Variants in RIMS2 observed in about 807,000 individuals in gnomAD.
The protein encoded by RIMS2 is regulating synaptic membrane exocytosis protein 2.
RIMS2 carries 59 observed loss-of-function variants against 174.4 expected under a neutral mutation model. The observed-to-expected ratio is 0.34, with a 90% CI of 0.27 to 0.42. RIMS2 has a LOEUF of 0.42. Among genes scored for constraint, RIMS2 ranks in the 10% least tolerant of loss-of-function variants. RIMS2 has a pLI of 1.00. For missense variants in RIMS2, 1,620 were observed against 1,666.3 expected, an observed-to-expected ratio of 0.97 and a Z score of 0.48; for synonymous variants, 606 against 572.5, an observed-to-expected ratio of 1.06 and a Z score of -0.84.
intron 1 of RIMS2, among the ~76,000 whole-genome samples, chr8:103,606,348 G>T (rs1403971329): frequency 1.3e-5 from 2 of 150,394 alleles, no homozygotes; most frequent in Non-Finnish European, 3.0e-5. Context: ...TAGTTTGATT[G>T]CACTGTGGTC....
intron 1 of RIMS2, among the ~76,000 whole-genome samples, chr8:103,544,804 A>T (rs1285801208): frequency 6.6e-6 from 1 of 152,220 alleles, no homozygotes; most frequent in Non-Finnish European, 1.5e-5. Flanking sequence ...CCACGAACAG[A>T]CTAGAATCAA....
chr8:103,680,476 A>T (rs913549374), intron 1 of RIMS2, among the ~76,000 whole-genome samples: 5 of 152,018 alleles, frequency 3.3e-5, no homozygotes, highest in Admixed American at 2.0e-4. Context: ...GGTAGGTAAG[A>T]TTGTTCTGTT....
At chr8:103,936,911 T>C (rs892040940) in intron 13 of RIMS2, among the ~76,000 whole-genome samples, 189 bp downstream of exon 15, 5 of 151,980 alleles carry the variant, frequency 3.3e-5, no homozygotes, top group African/African-American at 7.2e-5. Flanking sequence ...CTGGCTAACA[T>C]GGTGAAACCC....
At chr8:103,942,434 T>C (rs1174515351) in intron 13 of RIMS2, among the ~76,000 whole-genome samples, 1 of 152,134 alleles carries the variant, frequency 6.6e-6, no homozygotes, top group Non-Finnish European at 1.5e-5. Flanking sequence ...AAATGCTTTT[T>C]AAATTCTAAA....
chr8:103,602,631 G>T (rs2094815668), intron 1 of RIMS2, among the ~76,000 whole-genome samples: 1 of 152,190 alleles, frequency 6.6e-6, no homozygotes, highest in Non-Finnish European at 1.5e-5. Flanking sequence ...TGCAAAGGAT[G>T]TGAACTCCTT....
chr8:103,786,704 T>C (rs2098446930), intron 3 of RIMS2, among the ~76,000 whole-genome samples: 1 of 152,212 alleles, frequency 6.6e-6, no homozygotes, highest in East Asian at 1.9e-4. Flanking sequence ...TGTTGTCAGT[T>C]TTGGAATAGC....
At chr8:103,851,736 C>G (rs1366995124) in intron 3 of RIMS2, among the ~76,000 whole-genome samples, 1 of 150,760 alleles carries the variant, frequency 6.6e-6, no homozygotes, top group Non-Finnish European at 1.5e-5. Context: ...CACTTTTGGA[C>G]TGAAATAAAT....
chr8:103,622,419 A>G (rs1359547792), intron 1 of RIMS2, among the ~76,000 whole-genome samples: 1 of 152,152 alleles, frequency 6.6e-6, no homozygotes, highest in African/African-American at 2.4e-5. Flanking sequence ...AACACATAAA[A>G]ATGTTACTAG....
At chr8:104,133,315 C>A (rs898146423) in intron 19 of RIMS2, among the ~76,000 whole-genome samples, 1 of 152,060 alleles carries the variant, frequency 6.6e-6, no homozygotes, top group African/African-American at 2.4e-5. Flanking sequence ...AGGCAGAGAC[C>A]AGATCTCCAA....
At chr8:103,757,114 G>A (rs145348440) in intron 2 of RIMS2, among the ~76,000 whole-genome samples, 1,976 of 144,432 alleles carry the variant, frequency 0.014, 24 homozygotes, top group Non-Finnish European at 0.02. Flanking sequence ...TGGTGATACC[G>A]GGAATCCTTA....
In RIMS2 at chr8:103,924,837, T is replaced by G. The variant is rs2078437721; in HGVS notation, c.2197-3005T>G. ...TTTTTTTAAATGTATGCAATTTATT[T>G]TTTCTCCATGCTTGAATTGTCCTGC... On this transcript the variant is annotated intron_variant, in intron 10 of 23. Transcript: ENST00000504942. 1.3e-5 allele frequency among the ~76,000 whole-genome samples: 2 copies of G among 151,644 alleles called. 1 individual carries two copies. The highest frequency in any genetic ancestry group is 3.0e-5 in the Non-Finnish European group (2 of 67,614).
chr8:104,077,016 C>T (rs1371081726), intron 19 of RIMS2, among the ~76,000 whole-genome samples: 1 of 151,736 alleles, frequency 6.6e-6, no homozygotes, highest in Non-Finnish European at 1.5e-5. Flanking sequence ...GGCAGGGTTT[C>T]ACCACGTTGG....
chr8:103,754,118 G>T (rs967802517), intron 2 of RIMS2, among the ~76,000 whole-genome samples: 1 of 152,080 alleles, frequency 6.6e-6, no homozygotes, highest in African/African-American at 2.4e-5. Flanking sequence ...CAGAGATTCT[G>T]GTACGTTGTT....
At chr8:103,777,734 T>C (rs2098333871) in intron 3 of RIMS2, among the ~76,000 whole-genome samples, 1 of 152,000 alleles carries the variant, frequency 6.6e-6, no homozygotes, top group African/African-American at 2.4e-5. Context: ...GATTTCATAA[T>C]GGTATGCATA....
intron 19 of RIMS2, among the ~76,000 whole-genome samples, chr8:104,088,143 C>A (rs1430750763): frequency 6.6e-6 from 1 of 151,982 alleles, no homozygotes; most frequent in African/African-American, 2.4e-5. Context: ...TACAATTCAG[C>A]ATTCAGATCA....
chr8:103,821,475 A>C (rs1237244362), intron 3 of RIMS2, among the ~76,000 whole-genome samples: 1 of 151,692 alleles, frequency 6.6e-6, no homozygotes, highest in Non-Finnish European at 1.5e-5. Flanking sequence ...TTTAAAAATC[A>C]TTTGCCCTTA....
chr8:103,640,288 A>G (rs1589535303), intron 1 of RIMS2, among the ~76,000 whole-genome samples: 1 of 151,804 alleles, frequency 6.6e-6, no homozygotes, highest in African/African-American at 2.4e-5. Flanking sequence ...TTCCTTGATT[A>G]GCCTAGCTAG....
intron 1 of RIMS2, among the ~76,000 whole-genome samples, chr8:103,655,992 A>G (rs531779512): frequency 5.3e-4 from 80 of 152,246 alleles, no homozygotes; most frequent in African/African-American, 1.9e-3. Flanking sequence ...GGAGAGAGCA[A>G]TGGAAGAGGC....
intron 1 of RIMS2, among the ~76,000 whole-genome samples, chr8:103,508,709 G>A (rs905763073): frequency 2.0e-5 from 3 of 152,014 alleles, no homozygotes; most frequent in African/African-American, 7.2e-5. Flanking sequence ...TTAATAGATT[G>A]GTTAGAAGGT....
Sources: gnomAD v4.1 joint callset for allele counts (sites outside exome capture counted in the v4.1 genomes callset) on GRCh38, gnomAD v4.1.1 for gene constraint, MANE v1.5 for transcripts, NCBI Gene and HGNC (gene_info 2026-07-23, HGNC 2026-07-21) for gene names.